Variants in RHOBTB1 observed in about 807,000 individuals in gnomAD.
RHOBTB1 encodes Rho related BTB domain containing 1, also known as rho-related BTB domain-containing protein 1.
RHOBTB1 carries 40 observed loss-of-function variants against 71.6 expected under a neutral mutation model. That is an observed-to-expected ratio of 0.56 (90% CI 0.43 to 0.73). RHOBTB1 has a LOEUF of 0.73. RHOBTB1 is among the 30% of genes least tolerant of loss of function. The probability of loss-of-function intolerance (pLI) is 0.00; values close to 1 mark genes in which losing one functional copy is unlikely to be tolerated. For missense variants in RHOBTB1, 797 were observed against 894.0 expected (o/e 0.89, Z 1.38); for synonymous variants, 319 against 334.9 (o/e 0.95, Z 0.52).
At chr10:60,881,263 C>G (rs2081317405) in intron 7 of RHOBTB1, among the ~76,000 whole-genome samples, 1 of 152,190 alleles carries the variant, frequency 6.6e-6, no homozygotes, top group Non-Finnish European at 1.5e-5. Flanking sequence ...ATAAATTACC[C>G]TATCTCTGGT....
chr10:60,910,711 T>C (rs1241092931), intron 4 of RHOBTB1, among the ~76,000 whole-genome samples, 176 bp downstream of exon 4: 1 of 152,206 alleles, frequency 6.6e-6, no homozygotes, highest in East Asian at 1.9e-4. Flanking sequence ...ACGCTTCTTT[T>C]CTTGACATCA....
intron 4 of RHOBTB1, among the ~76,000 whole-genome samples, chr10:60,909,868 T>C (rs1260020961): frequency 6.6e-6 from 1 of 152,212 alleles, no homozygotes; most frequent in East Asian, 1.9e-4. Context: ...GTGAAATAAT[T>C]CCTGGGAATA....
chr10:60,925,265 T>G (rs1023203988), intron 2 of RHOBTB1, among the ~76,000 whole-genome samples: 4 of 152,224 alleles, frequency 2.6e-5, no homozygotes. Context: ...CTTTTCTTTA[T>G]AAATTATTCA....
intron 2 of RHOBTB1, among the ~76,000 whole-genome samples, chr10:60,975,716 T>C (rs527503691): frequency 6.6e-6 from 1 of 152,204 alleles, no homozygotes; most frequent in South Asian, 2.1e-4. Flanking sequence ...AAATGGTTTT[T>C]CAGTTTTTCC....
intron 2 of RHOBTB1, among the ~76,000 whole-genome samples, chr10:60,960,582 C>T (rs1320734505): frequency 7.2e-5 from 11 of 152,166 alleles, no homozygotes; most frequent in Admixed American, 7.2e-4. Flanking sequence ...AATATTAATA[C>T]TGGAAATATT....
chr10:60,923,967 T>C (rs1038558173), intron 2 of RHOBTB1, among the ~76,000 whole-genome samples: 1 of 152,026 alleles, frequency 6.6e-6, no homozygotes, highest in African/African-American at 2.4e-5. Context: ...TGGATTAATA[T>C]AGTATGTGTT....
chr10:60,960,871 AC>A (rs1251406950), intron 2 of RHOBTB1, among the ~76,000 whole-genome samples: 1 of 152,030 alleles, frequency 6.6e-6, no homozygotes, highest in Non-Finnish European at 1.5e-5. Flanking sequence ...TTTTTTTGTC[AC>A]CATCATGTCC....
At chr10:60,939,275 C>T (rs1255216033) in intron 2 of RHOBTB1, among the ~76,000 whole-genome samples, 1 of 152,162 alleles carries the variant, frequency 6.6e-6, no homozygotes, top group East Asian at 1.9e-4. Context: ...TACTCACACA[C>T]ACATCCATCA....
chr10:60,976,395 T>C (rs1046712624), intron 2 of RHOBTB1, among the ~76,000 whole-genome samples: 1 of 151,900 alleles, frequency 6.6e-6, no homozygotes, highest in Non-Finnish European at 1.5e-5. Context: ...ATTCATATAG[T>C]AAAAGCCTTC....
chr10:60,873,747 A>G (rs1348624006), intron 9 of RHOBTB1, among the ~76,000 whole-genome samples: 3 of 152,262 alleles, frequency 2.0e-5, no homozygotes, highest in Non-Finnish European at 4.4e-5. Flanking sequence ...ATTCGACTGC[A>G]TTAGATGTCT....
chr10:60,950,160 T>G (rs907961140), intron 2 of RHOBTB1, among the ~76,000 whole-genome samples: 11 of 152,340 alleles, frequency 7.2e-5, no homozygotes, highest in African/African-American at 2.4e-4. Flanking sequence ...TCTGACTTTG[T>G]TTAGGCATGG....
chr10:60,874,445 G>A (rs1410872812), intron 9 of RHOBTB1, among the ~76,000 whole-genome samples: 1 of 152,194 alleles, frequency 6.6e-6, no homozygotes, highest in African/African-American at 2.4e-5. Flanking sequence ...TTACTCCATG[G>A]TGAAGCTAAA....
intron 10 of RHOBTB1, 102 bp downstream of exon 10, chr10:60,872,083 T>G: frequency 5.8e-6 from 5 of 859,288 alleles, no homozygotes; most frequent in Non-Finnish European, 1.0e-5. Context: ...GAATCATCCA[T>G]GAGCTGCCTG....
At chr10:60,986,768 G>A (rs1054087822) in intron 1 of RHOBTB1, among the ~76,000 whole-genome samples, 27 of 152,102 alleles carry the variant, frequency 1.8e-4, no homozygotes, top group African/African-American at 6.3e-4. Context: ...TATTATTGCT[G>A]TAAAAACTGT....
intron 4 of RHOBTB1, among the ~76,000 whole-genome samples, chr10:60,893,559 GA>G (rs1317892659): frequency 2.0e-5 from 3 of 152,086 alleles, no homozygotes; most frequent in Non-Finnish European, 4.4e-5. Context: ...TTTCCGAAAA[GA>G]AAAATCCTGA....
intron 2 of RHOBTB1, among the ~76,000 whole-genome samples, chr10:60,940,378 C>T (rs1383771432): frequency 6.6e-6 from 1 of 152,098 alleles, no homozygotes; most frequent in Non-Finnish European, 1.5e-5. Flanking sequence ...AGTAGGGGAA[C>T]AGAAGAGAGA....
chr10:60,903,449 C>T (rs920803393), intron 4 of RHOBTB1, among the ~76,000 whole-genome samples: 1 of 152,106 alleles, frequency 6.6e-6, no homozygotes, highest in African/African-American at 2.4e-5. Context: ...TGACTGGGTA[C>T]AAAACAGAGG....
chr10:60,890,210 T>G (rs1000676539), intron 5 of RHOBTB1, among the ~76,000 whole-genome samples: 7 of 152,094 alleles, frequency 4.6e-5, no homozygotes, highest in Non-Finnish European at 1.0e-4. Flanking sequence ...CTTTCAAATC[T>G]TTGCCTTCTT....
chr10:60,970,854 TA>T (rs1472788115), intron 2 of RHOBTB1, among the ~76,000 whole-genome samples: 1 of 152,014 alleles, frequency 6.6e-6, no homozygotes, highest in African/African-American at 2.4e-5. Flanking sequence ...TAACAAAAAA[TA>T]ATCAACTGAA....
Sources: gnomAD v4.1 joint callset for allele counts (sites outside exome capture counted in the v4.1 genomes callset) on GRCh38, gnomAD v4.1.1 for gene constraint, MANE v1.5 for transcripts, NCBI Gene and HGNC (gene_info 2026-07-23, HGNC 2026-07-21) for gene names.